SLC4A9: variants seen among roughly 807,000 people sequenced by gnomAD.
The protein encoded by SLC4A9 is anion exchange protein 4.
SLC4A9 carries 102 observed loss-of-function variants against 103.2 expected under a neutral mutation model. That is an observed-to-expected ratio of 0.99 (90% CI 0.84 to 1.17). SLC4A9 has a LOEUF of 1.17. SLC4A9 is among the 50% of genes most tolerant of loss of function. The pLI is 0.00. For missense variants in SLC4A9, 1,091 were observed against 1,193.7 expected (o/e 0.91, Z 1.27); for synonymous variants, 453 against 483.6 (o/e 0.94, Z 0.83).
intron 19 of SLC4A9, among the ~76,000 whole-genome samples, 164 bp downstream of exon 19, chr5:140,371,788 C>T (rs73265771): frequency 2.6e-3 from 393 of 152,336 alleles, no homozygotes; most frequent in African/African-American, 9.1e-3. Context: ...AGGATGATAC[C>T]TATGTATGGG....
In SLC4A9 at chr5:140,365,934, C is replaced by T; in HGVS notation, c.1811C>T (p.Ala604Val). ...GPGCHTVPDIAFFSLLLFLTS... is the reference protein window; with the variant it reads ...GPGCHTVPDIVFFSLLLFLTS... ...GGCTGTCATACAGTCCCAGACATTGCCTTCTTCTCCCTTCTCCTCTTCCTT... is the reference window on the plus strand; with the variant it reads ...GGCTGTCATACAGTCCCAGACATTGTCTTCTTCTCCCTTCTCCTCTTCCTT... The change falls in exon 13 of 22, where the codon GCC becomes GTC. Residue 604 changes from alanine (A) to valine (V), a missense_variant. Coordinates refer to ENST00000506757, the MANE Select transcript of SLC4A9 (RefSeq NM_031467.3). 1 of 1,613,294 alleles carries T rather than the reference C, an allele frequency of 6.2e-7. No homozygotes were observed. The highest frequency in any genetic ancestry group is 8.5e-7 in the Non-Finnish European group (1 of 1,179,216).
chr5:140,360,843 G>T lies in SLC4A9; in HGVS notation c.262G>T (p.Ala88Ser). The change falls in exon 2 of 22, where the codon GCT (alanine) becomes TCT (serine). Residue 88 changes from alanine (A) to serine (S), a missense_variant. Coordinates refer to ENST00000506757, the MANE Select transcript of SLC4A9 (RefSeq NM_031467.3). ...WVLFEEKLEV[A>S]AGRWSAPHVP... ...ACTGTTTGAGGAGAAGTTGGAGGTG[G>T]CTGCAGGCCGGTGGAGTGCCCCCCA... 1 of 1,613,276 alleles carries T rather than the reference G, an allele frequency of 6.2e-7. No homozygotes were observed. Among genetic ancestry groups the T allele is most frequent in the South Asian group, 1.1e-5 (1 of 90,992 alleles).
chr5:140,360,503 C>G (rs540095233), intron 1 of SLC4A9, 37 bp downstream of exon 1: 1 of 1,527,264 alleles, frequency 6.5e-7, no homozygotes, highest in Admixed American at 2.0e-5. Flanking sequence ...GGGATCCTTC[C>G]CCTTCCCCAG....
Position 140,362,507 on chromosome 5 carries a change from C to T in SLC4A9, c.782C>T (p.Ala261Val). ...LGKGYHEMGRAAAVLLSDPQF... is the reference protein window; with the variant it reads ...LGKGYHEMGRVAAVLLSDPQF... ...AAGGGCTACCATGAGATGGGACGGG[C>T]AGCAGCTGTCCTCCTCAGTGACCCG... is the stretch of plus-strand genomic sequence containing the variant. Residue 261 changes from alanine to valine, a missense_variant, in exon 6 of 22, where the codon GCA (alanine) becomes GTA (valine). Ala to Val is a moderately conservative substitution (Grantham distance 64). Coordinates refer to ENST00000506757, the MANE Select transcript of SLC4A9 (RefSeq NM_031467.3). The T allele has an allele frequency of 6.2e-7, 1 of 1,614,000 alleles. No individual in the cohort carries two copies. The highest frequency in any genetic ancestry group is 8.5e-7 in the Non-Finnish European group (1 of 1,179,872).
At position 140,360,948 on chromosome 5, in the gene SLC4A9, G is replaced by T; in HGVS notation, c.367G>T (p.Ala123Ser). The T allele has an allele frequency of 6.3e-7, 1 of 1,593,326 alleles. No individual in the cohort carries two copies. Among genetic ancestry groups the T allele is most frequent in the Non-Finnish European group, 8.5e-7 (1 of 1,170,110 alleles). ...GGGCCTTGTACTGCTGGACTGCCCA[G>T]CTCAGAGCCTCCTGGAGCTCGTGGG... ...AEGLVLLDCP[A>S]QSLLELVEQV... The change falls in exon 2 of 22, where the codon GCT becomes TCT. Residue 123 changes from alanine (A) to serine (S), a missense_variant. Coordinates refer to ENST00000506757, the MANE Select transcript of SLC4A9 (RefSeq NM_031467.3).
intron 17 of SLC4A9, among the ~76,000 whole-genome samples, chr5:140,370,001 C>CA (rs1412985667): frequency 6.6e-6 from 1 of 151,562 alleles, no homozygotes; most frequent in African/African-American, 2.4e-5. Flanking sequence ...GATCTTGTCT[C>CA]AAAAAACAAA....
chr5:140,372,866 C>T, intron 21 of SLC4A9, 23 bp downstream of exon 21: 1 of 1,400,740 alleles, frequency 7.1e-7, no homozygotes, highest in South Asian at 1.4e-5. Flanking sequence ...GGGAAGTGCT[C>T]CTGATGTTGA....
chr5:140,371,202 G>A (rs1768669880), intron 18 of SLC4A9, 39 bp downstream of exon 18: 3 of 1,576,360 alleles, frequency 1.9e-6, no homozygotes, highest in African/African-American at 1.4e-5. Context: ...GAAAAAAGAA[G>A]AATAAAAAGA....
In SLC4A9 at chr5:140,362,154, T is replaced by A; in HGVS notation, c.699T>A (p.Thr233=). The change falls in exon 5 of 22, where the codon ACT becomes ACA. Residue 233 remains threonine, a synonymous_variant. Coordinates refer to ENST00000506757, the MANE Select transcript of SLC4A9 (RefSeq NM_031467.3). ...ACCCTGTGGTACTGGGGTCCCTTAC[T>A]GAGGTGTCCCTCCCAAGCAGGTGAG... ...LRNPVVLGSL[T]EVSLPSRFFC... 1 of 1,549,124 alleles carries A rather than the reference T, an allele frequency of 6.5e-7. No homozygotes were observed. Among genetic ancestry groups the A allele is most frequent in the Non-Finnish European group, 8.7e-7 (1 of 1,155,482 alleles).
In SLC4A9 at chr5:140,360,452, G is replaced by C; in HGVS notation, c.216G>C (p.Trp72Cys). The C allele has an allele frequency of 1.9e-6, 3 of 1,578,964 alleles. No individual in the cohort carries two copies. The highest frequency in any genetic ancestry group is 2.6e-6 in the Non-Finnish European group (3 of 1,162,026). Residue 72 changes from tryptophan to cysteine, a missense_variant, in exon 1 of 22, where the codon TGG (tryptophan) becomes TGC (cysteine). Trp to Cys is a radical substitution (Grantham distance 215). Transcript: ENST00000506757. ...ELLGWPQALEWRETGRWVLFE... is the reference protein window; with the variant it reads ...ELLGWPQALECRETGRWVLFE... ...TGGGCTGGCCCCAGGCGCTGGAGTG[G>C]AGAGAGACAGGCAGGTAAGTTGGAT...
chr5:140,369,512 T>C (rs1356599994), intron 17 of SLC4A9, among the ~76,000 whole-genome samples: 1 of 147,238 alleles, frequency 6.8e-6, no homozygotes, highest in Non-Finnish European at 1.5e-5. Flanking sequence ...GCAAAAAGGT[T>C]GAACAAGCCA....
Position 140,367,784 on chromosome 5 carries a change from T to C in SLC4A9, c.2240T>C (p.Leu747Pro), listed in dbSNP as rs1768112812. 1 of 1,613,974 alleles carries C rather than the reference T, an allele frequency of 6.2e-7. No homozygotes were observed. Among genetic ancestry groups the C allele is most frequent in the East Asian group, 2.2e-5 (1 of 44,874 alleles). The change falls in exon 16 of 22, where the codon CTT (leucine) becomes CCT (proline). Residue 747 changes from leucine to proline, a missense_variant. Transcript: ENST00000506757. ...VAVLMLLTSA[L>P]GLPWYVSATV... ...GTGCTGATGCTACTCACATCAGCGC[T>C]TGGACTGCCTTGGTATGTCTCAGCC...
intron 16 of SLC4A9, 141 bp from the exon 17 acceptor site, chr5:140,368,446 C>T (rs1332549148): frequency 3.3e-6 from 2 of 612,526 alleles, no homozygotes; most frequent in East Asian, 3.0e-5. Context: ...GCTAAGGGCT[C>T]ATCCCTCTGG....
chr5:140,361,001 C>A, intron 2 of SLC4A9, 29 bp downstream of exon 2: 1 of 1,528,254 alleles, frequency 6.5e-7, no homozygotes, highest in Non-Finnish European at 8.8e-7. Flanking sequence ...CAGGAAGGGC[C>A]TGGGTAGCCA....
rs746341589 is a variant in SLC4A9 at position 140,367,756 on chromosome 5, G to A, written c.2212G>A (p.Ala738Thr). The change falls in exon 16 of 22, where the codon GCT becomes ACT. Residue 738 changes from alanine (A) to threonine (T), a missense_variant. Coordinates refer to ENST00000506757, the MANE Select transcript of SLC4A9 (RefSeq NM_031467.3). ...CTTCCACCTGGACCTCTTCTGTGTG[G>A]CTGTGCTGATGCTACTCACATCAGC... ...AGFHLDLFCV[A>T]VLMLLTSALG... 3 of 1,613,966 alleles carry A rather than the reference G, an allele frequency of 1.9e-6. No individual in the cohort carries two copies. Among genetic ancestry groups the A allele is most frequent in the Non-Finnish European group, 2.5e-6 (3 of 1,179,892 alleles).
At position 140,366,145 on chromosome 5, in the gene SLC4A9, T is replaced by C. The variant is rs1561599968; in HGVS notation, c.1900-6T>C. On this transcript the variant is annotated splice_polypyrimidine_tract_variant and splice_region_variant and intron_variant, in intron 13 of 21. Transcript: ENST00000506757. ...TGGACCTGACTGAGTGTCCACTGTG[T>C]GCCAGGTGCGCAAAGGGCTCAGCGA... The C allele has an allele frequency of 6.2e-7, 1 of 1,613,090 alleles. No homozygotes were observed.
At position 140,363,166 on chromosome 5, in the gene SLC4A9, A is replaced by C; in HGVS notation, c.962+100A>C. On this transcript the variant is annotated intron_variant, in intron 7 of 21. Coordinates refer to ENST00000506757, the MANE Select transcript of SLC4A9 (RefSeq NM_031467.3). This position sits in a 1 kb window ranked among gnomAD's most constrained non-coding sequence, Gnocchi z 4.5. Reference sequence around the variant, plus strand: ...GTGGTGTCCCAGGAAAGAGATAGGGACCTATCTTTGGATTTGGAGTCAGGC... The same window carrying C: ...GTGGTGTCCCAGGAAAGAGATAGGGCCCTATCTTTGGATTTGGAGTCAGGC... 3 of 1,448,002 alleles carry C rather than the reference A, an allele frequency of 2.1e-6. No individual in the cohort carries two copies. Among genetic ancestry groups the C allele is most frequent in the Non-Finnish European group, 2.8e-6 (3 of 1,072,508 alleles). 89.7% of individuals were successfully genotyped at this position (1,448,002 alleles called of 1,614,324 possible).
chr5:140,360,681 T>TTG, intron 1 of SLC4A9, 131 bp from the exon 2 acceptor site: 1 of 1,430,770 alleles, frequency 7.0e-7, no homozygotes, highest in South Asian at 1.3e-5. Flanking sequence ...ACTGCCAGGG[T>TTG]GGGGGGGAGA....
chr5:140,368,524 T>C, intron 16 of SLC4A9, 63 bp from the exon 17 acceptor site: 1 of 1,429,782 alleles, frequency 7.0e-7, no homozygotes, highest in Non-Finnish European at 9.7e-7. Context: ...TCAGCCAGGA[T>C]CTCCAGTCTG....
Sources: gnomAD v4.1 joint callset for allele counts (sites outside exome capture counted in the v4.1 genomes callset) on GRCh38, gnomAD v4.1.1 for gene constraint, Gnocchi (gnomAD v3.1) non-coding constraint, MANE v1.5 for transcripts, NCBI Gene and HGNC (gene_info 2026-07-23, HGNC 2026-07-21) for gene names.